Variants in MICU2 observed in about 807,000 individuals in gnomAD.
The protein encoded by MICU2 is calcium uptake protein 2, mitochondrial.
A neutral mutation model predicts 60.4 loss-of-function variants in MICU2; 64 were observed. The ratio of observed to expected loss-of-function variants is 1.06; its 90% confidence interval spans 0.87 to 1.31. The LOEUF is 1.31. Ranked by LOEUF, MICU2 falls within the 50% of genes most tolerant of loss-of-function variation. The probability of loss-of-function intolerance (pLI) is 0.00; values close to 1 mark genes in which losing one functional copy is unlikely to be tolerated. For missense variants in MICU2, 569 were observed against 531.0 expected (o/e 1.07, Z -0.70); for synonymous variants, 201 against 175.0 (o/e 1.15, Z -1.17).
At chr13:21,598,988 G>T (rs535588146) in intron 1 of MICU2, among the ~76,000 whole-genome samples, 1 of 152,226 alleles carries the variant, frequency 6.6e-6, no homozygotes, top group Admixed American at 6.5e-5. Flanking sequence ...TACCACCTGA[G>T]CTCCACCTCC....
At chr13:21,570,563 T>G (rs1422821146) in intron 1 of MICU2, among the ~76,000 whole-genome samples, 1 of 152,212 alleles carries the variant, frequency 6.6e-6, no homozygotes, top group African/African-American at 2.4e-5. Flanking sequence ...TTTCCACGAA[T>G]GCACTGTAAT....
At position 21,510,023 on chromosome 13, in the gene MICU2, G is replaced by T; in HGVS notation, c.742C>A (p.His248Asn). ...FFGKRGQRKL[H>N]YKEFRRFMEN... is the part of the protein sequence containing the mutation. ...ATTTACCTTCGAAATTCTTTATAAT[G>T]AAGTTTTCTTTGTCCTCTTTTTCCA... The change falls in exon 8 of 12, where the codon CAT becomes AAT. Residue 248 changes from histidine (H) to asparagine (N), a missense_variant. Coordinates refer to ENST00000382374, the MANE Select transcript of MICU2 (RefSeq NM_152726.3). 6.5e-7 allele frequency: 1 copy of T among 1,535,364 alleles called. No homozygotes were observed. The highest frequency in any genetic ancestry group is 8.7e-7 in the Non-Finnish European group (1 of 1,148,140).
Position 21,517,813 on chromosome 13 carries a change from G to GCGCA in MICU2, c.598-3396_598-3395insTGCG, listed in dbSNP as rs1555271297. ...CACACACACACACGCGCGCGCGCGC[G>GCGCA]CACACGCGCTACATACTTAGGTTTA... On this transcript the variant is annotated intron_variant, in intron 6 of 11. Transcript: ENST00000382374. 1.4e-3 allele frequency among the ~76,000 whole-genome samples: 198 copies of GCGCA among 142,232 alleles called. 1 individual carries two copies. The highest frequency in any genetic ancestry group is 4.5e-3 in the African/African-American group (180 of 39,642). 93.3% of individuals were successfully genotyped at this position (142,232 alleles called of 152,430 possible).
intron 6 of MICU2, among the ~76,000 whole-genome samples, chr13:21,518,617 G>A (rs1235077605): frequency 6.6e-6 from 1 of 152,170 alleles, no homozygotes; most frequent in Non-Finnish European, 1.5e-5. Flanking sequence ...AAAGGATTAT[G>A]GTAAATGCAA....
chr13:21,497,774 G>C (rs775838239), intron 9 of MICU2, among the ~76,000 whole-genome samples: 7 of 152,148 alleles, frequency 4.6e-5, no homozygotes, highest in Non-Finnish European at 1.0e-4. Flanking sequence ...TCTTGTTTTT[G>C]AGATAGTGTT....
chr13:21,566,441 T>C (rs1322158143), intron 2 of MICU2, among the ~76,000 whole-genome samples: 1 of 152,194 alleles, frequency 6.6e-6, no homozygotes, highest in Non-Finnish European at 1.5e-5. Context: ...TTCAGGATTT[T>C]CTACCTGTGA....
At chr13:21,557,733 T>A (rs913578925) in intron 2 of MICU2, among the ~76,000 whole-genome samples, 1 of 152,174 alleles carries the variant, frequency 6.6e-6, no homozygotes, top group African/African-American at 2.4e-5. Flanking sequence ...TTATCCATGA[T>A]GAAAAATGAA....
intron 4 of MICU2, among the ~76,000 whole-genome samples, chr13:21,527,711 T>C (rs1314270564): frequency 2.0e-5 from 3 of 152,250 alleles, no homozygotes; most frequent in African/African-American, 7.2e-5. Flanking sequence ...GACAGTATTT[T>C]AAATAATTTA....
intron 1 of MICU2, among the ~76,000 whole-genome samples, chr13:21,569,303 CT>C (rs1888054232): frequency 6.6e-6 from 1 of 152,114 alleles, no homozygotes; most frequent in Admixed American, 6.5e-5. Context: ...ACTCTATAGT[CT>C]AAATAAACCT....
intron 7 of MICU2, among the ~76,000 whole-genome samples, chr13:21,513,739 CAAAAAA>C (rs376128312): frequency 1.9e-4 from 11 of 59,114 alleles, no homozygotes; most frequent in South Asian, 1.3e-3. Flanking sequence ...GACTCTGTCT[CAAAAAA>C]AAAAAAAAAA....
intron 2 of MICU2, among the ~76,000 whole-genome samples, chr13:21,553,240 G>C (rs1481815716): frequency 6.6e-6 from 1 of 152,116 alleles, no homozygotes; most frequent in Non-Finnish European, 1.5e-5. Flanking sequence ...TCTGTTACTG[G>C]TGTATAAGAA....
At chr13:21,571,199 T>C (rs1322914731) in intron 1 of MICU2, among the ~76,000 whole-genome samples, 2 of 152,164 alleles carry the variant, frequency 1.3e-5, no homozygotes, top group African/African-American at 2.4e-5. Context: ...CTGTGGCATA[T>C]TCGTGGTAGG....
intron 9 of MICU2, among the ~76,000 whole-genome samples, chr13:21,502,114 T>TAGATAATTAGATAATTAGA (rs1164937477): frequency 6.6e-6 from 1 of 151,956 alleles, no homozygotes; most frequent in Non-Finnish European, 1.5e-5. Context: ...TAGATAAGTT[T>TAGATAATTAGATAATTAGA]TCTTTTTATA....
chr13:21,513,564 C>T (rs914462512), intron 7 of MICU2, among the ~76,000 whole-genome samples: 2 of 151,432 alleles, frequency 1.3e-5, no homozygotes, highest in African/African-American at 4.9e-5. Flanking sequence ...ATGGTGAAAC[C>T]CTGTCTCTAC....
At chr13:21,594,773 C>A (rs1888656867) in intron 1 of MICU2, among the ~76,000 whole-genome samples, 1 of 152,238 alleles carries the variant, frequency 6.6e-6, no homozygotes, top group African/African-American at 2.4e-5. Context: ...CAAACTAACA[C>A]AGGAACAGAA....
chr13:21,525,848 G>A (rs1886840536), intron 4 of MICU2, among the ~76,000 whole-genome samples: 1 of 151,266 alleles, frequency 6.6e-6, no homozygotes, highest in Non-Finnish European at 1.5e-5. Context: ...TCCCATTTGT[G>A]GGTCTTTTCT....
chr13:21,600,887 C>T (rs569435033), intron 1 of MICU2, among the ~76,000 whole-genome samples: 28 of 152,276 alleles, frequency 1.8e-4, no homozygotes, highest in Non-Finnish European at 7.3e-5. Context: ...AGCTCCGCCT[C>T]CCAGATTCAC....
intron 1 of MICU2, among the ~76,000 whole-genome samples, chr13:21,597,735 T>C (rs2138077038): frequency 6.6e-6 from 1 of 151,882 alleles, no homozygotes; most frequent in Admixed American, 6.6e-5. Context: ...ATTGAGACCA[T>C]CCTGGCTAAC....
In MICU2 at chr13:21,539,360, C is replaced by T; in HGVS notation, c.408G>A (p.Leu136=). ...CACAGCCAGCTGTTTGGATCCCTGA[C>T]AGTGTATCCTCGATGTCCTTTGAAT... The part of the protein sequence containing the change: ...KLTKKDIEDT[L]SGIQTAGCGS... Residue 136 remains leucine, a synonymous_variant, in exon 4 of 12, where the codon CTG becomes CTA. Transcript: ENST00000382374. The T allele has an allele frequency of 6.2e-7, 1 of 1,614,012 alleles. No individual in the cohort carries two copies. The highest frequency in any genetic ancestry group is 8.5e-7 in the Non-Finnish European group (1 of 1,179,928).
Sources: gnomAD v4.1 joint callset for allele counts (sites outside exome capture counted in the v4.1 genomes callset) on GRCh38, gnomAD v4.1.1 for gene constraint, MANE v1.5 for transcripts, NCBI Gene and HGNC (gene_info 2026-07-23, HGNC 2026-07-21) for gene names.